ADAM22: variants seen among roughly 807,000 people sequenced by gnomAD.
The protein encoded by ADAM22 is ADAM metallopeptidase domain 22, also known as disintegrin and metalloproteinase domain-containing protein 22.
Under a neutral mutation model 144.6 loss-of-function variants are expected in ADAM22, and 65 were observed. The observed-to-expected ratio is 0.45, with a 90% confidence interval of 0.37 to 0.55. The LOEUF is 0.55. Among genes scored for constraint, ADAM22 ranks in the 20% least tolerant of loss-of-function variants. The probability of loss-of-function intolerance (pLI) is 0.00; values close to 1 mark genes in which losing one functional copy is unlikely to be tolerated. For missense variants in ADAM22, 974 were observed against 1,184.9 expected (o/e 0.82, Z 2.61); for synonymous variants, 391 against 412.6 (o/e 0.95, Z 0.63).
chr7:88,159,120 G>A (rs944903198), intron 22 of ADAM22, among the ~76,000 whole-genome samples: 19 of 152,054 alleles, frequency 1.2e-4, no homozygotes, highest in East Asian at 1.9e-4. Context: ...AGACTACTAC[G>A]AACACCTGTG....
intron 12 of ADAM22, 134 bp downstream of exon 12, chr7:88,133,085 T>C: frequency 1.4e-6 from 1 of 703,722 alleles, no homozygotes; most frequent in Non-Finnish European, 2.3e-6. Flanking sequence ...TATGGTGGCC[T>C]GGCACAATGG....
At chr7:88,097,632 A>G (rs1291694142) in intron 4 of ADAM22, among the ~76,000 whole-genome samples, 1 of 151,592 alleles carries the variant, frequency 6.6e-6, no homozygotes, top group African/African-American at 2.4e-5. Flanking sequence ...AAAAAAAAAA[A>G]AAAGAAAACA....
At position 88,136,004 on chromosome 7, in the gene ADAM22, G is replaced by T. The variant is rs978554898; in HGVS notation, c.1193G>T (p.Trp398Leu). Residue 398 changes from tryptophan to leucine, a missense_variant, in exon 14 of 32, where the codon TGG (tryptophan) becomes TTG (leucine). Trp to Leu is a moderately conservative substitution (Grantham distance 61). Around this residue, in one of 2 missense-constraint regions of ADAM22, gnomAD observed 734 missense variants for 950.6 expected, o/e 0.77. Coordinates refer to ENST00000413139, the MANE Select transcript of ADAM22 (RefSeq NM_001324418.2). The part of the protein sequence containing the change: ...ASGECKCEDT[W>L]SGCIMGDTGY... Reference sequence around the variant, plus strand: ...GGTGAATGTAAATGCGAGGACACGTGGTCCGGGTGCATAATGGGAGACACT... The same window carrying T: ...GGTGAATGTAAATGCGAGGACACGTTGTCCGGGTGCATAATGGGAGACACT... The T allele has an allele frequency of 2.5e-6, 4 of 1,611,948 alleles. No individual in the cohort carries two copies. The highest frequency in any genetic ancestry group is 2.7e-5 in the African/African-American group (2 of 74,866).
intron 31 of ADAM22, among the ~76,000 whole-genome samples, chr7:88,195,070 CT>C (rs1028521191): frequency 1.3e-5 from 2 of 152,108 alleles, no homozygotes; most frequent in African/African-American, 4.8e-5. Flanking sequence ...ACTCACTTGG[CT>C]TTTTCTCCTT....
rs888758227 is a variant in ADAM22, at chr7:88,197,119, A to G, written c.*628A>G. The G allele has an allele frequency of 6.6e-5, 10 of 152,214 alleles. No individual in the cohort carries two copies. Among genetic ancestry groups the G allele is most frequent in the African/African-American group, 2.4e-4 (10 of 41,434 alleles). The allele number at this position is 152,214 out of a possible 1,614,324, so 9.4% of individuals were successfully genotyped here. On this transcript the variant is annotated 3_prime_UTR_variant, in exon 32 of 32. Transcript: ENST00000413139. ...ACAAGGACAATTGTATATATGTAAC[A>G]TTTTTAAAATTTTAAAAAAATGCAG...
Position 88,035,498 on chromosome 7 carries a change from A to G in ADAM22, c.324-40128A>G, listed in dbSNP as rs10241480. 8.4e-3 allele frequency among the ~76,000 whole-genome samples: 1,285 copies of G among 152,348 alleles called. 20 individuals are homozygous for G. The highest frequency in any genetic ancestry group is 0.03 in the African/African-American group (1,235 of 41,576). On this transcript the variant is annotated intron_variant, in intron 3 of 31. Transcript: ENST00000413139. Reference sequence around the variant, plus strand: ...ATTTCCAGCACAATGTATTATGTATACAGTTGGACCTCCACATCTGTGGGT... The same window carrying G: ...ATTTCCAGCACAATGTATTATGTATGCAGTTGGACCTCCACATCTGTGGGT...
chr7:88,184,647 A>T (rs943335487), intron 29 of ADAM22, among the ~76,000 whole-genome samples: 2 of 152,088 alleles, frequency 1.3e-5, no homozygotes, highest in Non-Finnish European at 2.9e-5. Context: ...GTCAAGCCAC[A>T]TAGGTAGATT....
At chr7:88,005,458 A>G (rs1257781240) in intron 3 of ADAM22, among the ~76,000 whole-genome samples, 1 of 152,096 alleles carries the variant, frequency 6.6e-6, no homozygotes, top group Non-Finnish European at 1.5e-5. Flanking sequence ...CCTTCAAACA[A>G]TTTTAGCTTT....
chr7:88,045,885 C>G (rs890402464), intron 3 of ADAM22, among the ~76,000 whole-genome samples: 5 of 81,118 alleles, frequency 6.2e-5, no homozygotes, highest in African/African-American at 2.0e-4. Flanking sequence ...GAGTCGTATT[C>G]TATTGTGTGT....
chr7:88,002,105 C>T lies in ADAM22; in HGVS notation c.323+23693C>T, dbSNP rs115216301. On this transcript the variant is annotated intron_variant, in intron 3 of 31. Coordinates refer to ENST00000413139, the MANE Select transcript of ADAM22 (RefSeq NM_001324418.2). ...TTGGGAATCTTTCAGTTGCAAATAA[C>T]AAAAATTTAACTCAAATTTGCAAAA... Among the ~76,000 whole-genome samples, 1,107 of 152,176 alleles carry T rather than the reference C, an allele frequency of 7.3e-3. 11 individuals carry two copies. The highest frequency in any genetic ancestry group is 0.026 in the African/African-American group (1,061 of 41,510).
At chr7:87,954,182 A>G (rs1846028332) in intron 2 of ADAM22, among the ~76,000 whole-genome samples, 1 of 151,760 alleles carries the variant, frequency 6.6e-6, no homozygotes, top group Admixed American at 6.6e-5. Flanking sequence ...TGATCCTTTT[A>G]TTATGATGTT....
intron 2 of ADAM22, among the ~76,000 whole-genome samples, chr7:87,972,693 A>G (rs1429422662): frequency 4.6e-5 from 7 of 152,346 alleles, no homozygotes; most frequent in African/African-American, 7.2e-5. Flanking sequence ...ATACCTACAA[A>G]GCTACAGTAA....
chr7:88,070,372 A>C (rs1215206207), intron 3 of ADAM22, among the ~76,000 whole-genome samples: 1 of 152,146 alleles, frequency 6.6e-6, no homozygotes, highest in Non-Finnish European at 1.5e-5. Flanking sequence ...TACATAGATG[A>C]TTTGGTAAAG....
intron 3 of ADAM22, among the ~76,000 whole-genome samples, chr7:88,050,260 G>T (rs1805889187): frequency 6.7e-6 from 1 of 149,334 alleles, no homozygotes; most frequent in African/African-American, 2.5e-5. Flanking sequence ...GCATCATAAG[G>T]TGCATGCCTG....
chr7:88,165,782 C>A, intron 23 of ADAM22, 50 bp from the exon 24 acceptor site: 1 of 1,307,008 alleles, frequency 7.7e-7, no homozygotes. Context: ...ATTTTTCATG[C>A]TTCTGTACCA....
At chr7:88,060,562 A>T (rs1201699722) in intron 3 of ADAM22, among the ~76,000 whole-genome samples, 1 of 148,702 alleles carries the variant, frequency 6.7e-6, no homozygotes, top group Non-Finnish European at 1.5e-5. Flanking sequence ...CGAGGTTAGG[A>T]GATCGAAACC....
chr7:88,078,976 A>G (rs908718042), intron 4 of ADAM22, among the ~76,000 whole-genome samples: 8 of 152,206 alleles, frequency 5.3e-5, no homozygotes, highest in South Asian at 4.1e-4. Flanking sequence ...CCAACATTCA[A>G]ATTCAGGAAA....
intron 5 of ADAM22, 79 bp from the exon 6 acceptor site, chr7:88,114,505 G>T (rs1400855189): frequency 2.9e-6 from 4 of 1,390,348 alleles, no homozygotes; most frequent in Non-Finnish European, 4.1e-6. Context: ...GGGCCCTCTG[G>T]CTGCTGCTGA....
chr7:88,112,828 C>T (rs2129488585), intron 5 of ADAM22, among the ~76,000 whole-genome samples: 1 of 152,342 alleles, frequency 6.6e-6, no homozygotes, highest in Middle Eastern at 3.4e-3. Context: ...CCACCTCAGC[C>T]TCCCAAGTAG....
Sources: gnomAD v4.1 joint callset for allele counts (sites outside exome capture counted in the v4.1 genomes callset) on GRCh38, gnomAD v4.1.1 for gene constraint, gnomAD v4.1.1 regional missense constraint, MANE v1.5 for transcripts, NCBI Gene and HGNC (gene_info 2026-07-23, HGNC 2026-07-21) for gene names.